NFX1: variants seen among roughly 807,000 people sequenced by gnomAD.
The protein encoded by NFX1 is nuclear transcription factor, X-box binding 1, also known as transcriptional repressor NF-X1.
Under a neutral mutation model 137.2 loss-of-function variants are expected in NFX1, and 69 were observed. That is an observed-to-expected ratio of 0.50 (90% CI 0.41 to 0.61). NFX1 has a LOEUF of 0.61. NFX1 is among the 20% of genes least tolerant of loss of function. NFX1 has a pLI of 0.00. For synonymous variants in NFX1, 495 were observed against 474.1 expected, an observed-to-expected ratio of 1.04 and a Z score of -0.57; for missense variants, 1,167 against 1,391.0, an observed-to-expected ratio of 0.84 and a Z score of 2.56.
intron 5 of NFX1, 57 bp from the exon 6 acceptor site, chr9:33,311,049 T>C: frequency 6.5e-7 from 1 of 1,540,788 alleles, no homozygotes; most frequent in Non-Finnish European, 9.0e-7. Context: ...CTGGGACAGC[T>C]TTGTTCGGGT....
Position 33,313,780 on chromosome 9 carries a change from C to G in NFX1, c.1575C>G (p.Ile525Met). Residue 525 changes from isoleucine to methionine, a missense_variant, in exon 7 of 24, where the codon ATC becomes ATG. Around this residue, in one of 3 missense-constraint regions of NFX1, gnomAD observed 488 missense variants for 691.5 expected, o/e 0.71. Coordinates refer to ENST00000379540, the MANE Select transcript of NFX1 (RefSeq NM_002504.6). ...CHGGQCQPCQ[I>M]ILNQVCYCGS... Reference sequence around the variant, plus strand: ...GGGGTCAGTGCCAGCCTTGCCAGATCATTTTGAACCAGGGTAAGTGGTGGG... The same window carrying G: ...GGGGTCAGTGCCAGCCTTGCCAGATGATTTTGAACCAGGGTAAGTGGTGGG... The G allele has an allele frequency of 6.2e-7, 1 of 1,613,884 alleles. No individual in the cohort carries two copies. The highest frequency in any genetic ancestry group is 8.5e-7 in the Non-Finnish European group (1 of 1,179,906).
intron 1 of NFX1, 79 bp downstream of exon 1, chr9:33,290,676 G>C (rs1821123279): frequency 5.6e-6 from 8 of 1,432,176 alleles, no homozygotes. Context: ...TAGGGCCTCA[G>C]CCACTCATAT....
rs370889022 is a variant in NFX1 at position 33,319,030 on chromosome 9, A to G, written c.1809A>G (p.Gln603=). The G allele has an allele frequency of 1.2e-6, 2 of 1,614,174 alleles. No homozygotes were observed. The highest frequency in any genetic ancestry group is 1.7e-6 in the Non-Finnish European group (2 of 1,180,024). The part of the protein sequence containing the change: ...CCPCGQTPLS[Q]LLELGSSSRK... ...CCTGTGGCCAAACTCCTCTCAGCCA[A>G]TTGCTAGAACTTGGAAGTAGTAGTC... Residue 603 remains glutamine (Q), a synonymous_variant, in exon 9 of 24, where the codon CAA becomes CAG. Coordinates refer to ENST00000379540, the MANE Select transcript of NFX1 (RefSeq NM_002504.6).
chr9:33,345,483 AAAAG>A lies in NFX1; in HGVS notation c.2344+1297_2344+1300del, dbSNP rs573221212. ...CAGAGTGAGACTCTGTCTCAAAAAA[AAAAG>A]AGAGATAAAGTCAAAAGTTTGAAAT... is the stretch of plus-strand genomic sequence containing the variant. On this transcript the variant is annotated intron_variant, in intron 14 of 23. Transcript: ENST00000379540. 2.7e-3 allele frequency among the ~76,000 whole-genome samples: 414 copies of A among 152,344 alleles called. 1 individual carries two copies. The highest frequency in any genetic ancestry group is 8.3e-3 in the African/African-American group (347 of 41,588).
intron 4 of NFX1, among the ~76,000 whole-genome samples, 160 bp from the exon 5 acceptor site, chr9:33,307,034 A>T (rs959532969): frequency 1.3e-5 from 2 of 152,206 alleles, no homozygotes; most frequent in Non-Finnish European, 2.9e-5. Flanking sequence ...GAATAGCATT[A>T]TATTTATCTT....
intron 18 of NFX1, 43 bp from the exon 19 acceptor site, chr9:33,354,808 A>C: frequency 6.3e-7 from 1 of 1,577,002 alleles, no homozygotes; most frequent in African/African-American, 1.3e-5. Context: ...GGAGCTGTAC[A>C]GTCTGTATTC....
At chr9:33,313,340 A>C (rs1021077196) in intron 6 of NFX1, among the ~76,000 whole-genome samples, 2 of 151,930 alleles carry the variant, frequency 1.3e-5, no homozygotes, top group Non-Finnish European at 2.9e-5. Context: ...TGTAATCCCA[A>C]CACTTTGGGA....
At chr9:33,343,798 C>T (rs1012981396) in intron 13 of NFX1, among the ~76,000 whole-genome samples, 2 of 152,074 alleles carry the variant, frequency 1.3e-5, no homozygotes, top group Non-Finnish European at 2.9e-5. Flanking sequence ...AATATAATCT[C>T]CAGTCTAGAA....
intron 6 of NFX1, among the ~76,000 whole-genome samples, 178 bp from the exon 7 acceptor site, chr9:33,313,476 G>C (rs1822039495): frequency 6.6e-6 from 1 of 151,800 alleles, no homozygotes; most frequent in Non-Finnish European, 1.5e-5. Context: ...AGTGGAGAAA[G>C]GGAGAGTAAT....
intron 12 of NFX1, among the ~76,000 whole-genome samples, chr9:33,342,158 A>C (rs1736195205): frequency 6.7e-6 from 1 of 148,438 alleles, no homozygotes; most frequent in Non-Finnish European, 1.5e-5. Context: ...ACACGATGTA[A>C]AAATAAAATA....
intron 15 of NFX1, among the ~76,000 whole-genome samples, chr9:33,350,994 AT>A (rs1823615291): frequency 6.6e-6 from 1 of 152,164 alleles, no homozygotes; most frequent in African/African-American, 2.4e-5. Flanking sequence ...AAATACAAAA[AT>A]TAGCTGGTCG....
chr9:33,340,185 C>T (rs949601442), intron 12 of NFX1, among the ~76,000 whole-genome samples: 1 of 152,250 alleles, frequency 6.6e-6, no homozygotes, highest in African/African-American at 2.4e-5. Flanking sequence ...ACCCCTGCAG[C>T]AAACTTCTGC....
At chr9:33,364,592 C>G in intron 20 of NFX1, 116 bp from the exon 21 acceptor site, 1 of 1,178,784 alleles carries the variant, frequency 8.5e-7, no homozygotes, top group South Asian at 1.6e-5. Flanking sequence ...TTCCTGATCT[C>G]TGCAGTTTTA....
intron 5 of NFX1, among the ~76,000 whole-genome samples, chr9:33,309,579 C>G (rs1821888585): frequency 6.6e-6 from 1 of 152,184 alleles, no homozygotes; most frequent in South Asian, 2.1e-4. Context: ...TCCCCAGTAG[C>G]ACTTTTCTGG....
At chr9:33,331,048 C>G (rs1329951351) in intron 10 of NFX1, among the ~76,000 whole-genome samples, 1 of 151,952 alleles carries the variant, frequency 6.6e-6, no homozygotes. Flanking sequence ...CGCCTGTAGT[C>G]CCAGCTACTC....
At chr9:33,357,704 TC>T (rs1173346276) in intron 19 of NFX1, among the ~76,000 whole-genome samples, 3 of 150,136 alleles carry the variant, frequency 2.0e-5, no homozygotes, top group African/African-American at 7.4e-5. Flanking sequence ...GCTAAGATTT[TC>T]TTTTTTTTTT....
intron 9 of NFX1, among the ~76,000 whole-genome samples, chr9:33,320,461 G>A (rs540179713): frequency 6.6e-6 from 1 of 152,240 alleles, no homozygotes; most frequent in Non-Finnish European, 1.5e-5. Flanking sequence ...TTGAATTGTT[G>A]TATCTGCTTG....
At chr9:33,361,685 A>G (rs991065736) in intron 19 of NFX1, among the ~76,000 whole-genome samples, 2 of 152,216 alleles carry the variant, frequency 1.3e-5, no homozygotes, top group Admixed American at 1.3e-4. Flanking sequence ...AGGCAGGAGA[A>G]TCGCTTGAAT....
intron 19 of NFX1, among the ~76,000 whole-genome samples, chr9:33,359,954 C>T (rs2118675154): frequency 6.6e-6 from 1 of 152,266 alleles, no homozygotes; most frequent in African/African-American, 2.4e-5. Flanking sequence ...TTAATAGTAC[C>T]TCTTTACATA....
Sources: allele counts gnomAD v4.1 joint callset (sites outside exome capture counted in the v4.1 genomes callset), GRCh38; gene constraint gnomAD v4.1.1; regional missense constraint gnomAD v4.1.1; transcripts MANE v1.5; gene names NCBI Gene and HGNC (gene_info 2026-07-23, HGNC 2026-07-21).